AKR1C4: variants seen among roughly 807,000 people sequenced by gnomAD.
The protein encoded by AKR1C4 is 3-alpha-HSD1.
In AKR1C4, 44 loss-of-function variants were observed where a neutral mutation model predicts 41.0. The ratio of observed to expected loss-of-function variants is 1.07; its 90% confidence interval spans 0.84 to 1.38. AKR1C4 has a LOEUF of 1.38. AKR1C4 is among the 40% of genes most tolerant of loss of function. The pLI is 0.00. For synonymous variants in AKR1C4, 165 were observed against 137.7 expected (o/e 1.20, Z -1.39); for missense variants, 438 against 387.9 (o/e 1.13, Z -1.09).
At chr10:5,213,731 T>A (rs1158623219) in intron 7 of AKR1C4, among the ~76,000 whole-genome samples, 1 of 152,186 alleles carries the variant, frequency 6.6e-6, no homozygotes, top group Non-Finnish European at 1.5e-5. Flanking sequence ...AAGCTCCACC[T>A]GAACTCAGTC....
chr10:5,216,556 A>C (rs1303749559), intron 7 of AKR1C4, among the ~76,000 whole-genome samples, 155 bp from the exon 8 acceptor site: 1 of 151,928 alleles, frequency 6.6e-6, no homozygotes, highest in African/African-American at 2.4e-5. Context: ...GATATTCTTT[A>C]ATCACTTGAG....
In AKR1C4 at chr10:5,202,002, A is replaced by G. The variant is rs1832406674; in HGVS notation, c.252+1654A>G. Among the ~76,000 whole-genome samples, 3 of 152,176 alleles carry G rather than the reference A, an allele frequency of 2.0e-5. No individual in the cohort carries two copies. The South Asian group carries it at 6.2e-4, about 32-fold the overall frequency. On this transcript the variant is annotated intron_variant, in intron 2 of 8. Coordinates refer to ENST00000263126, the MANE Select transcript of AKR1C4 (RefSeq NM_001818.5). ...CCAGTACCATGCTGTTTGTATAACT[A>G]TAGTCATGTAGTATAATTTGAAGTC... is the stretch of plus-strand genomic sequence containing the variant.
intron 5 of AKR1C4, among the ~76,000 whole-genome samples, chr10:5,209,435 G>A (rs757632570): frequency 6.6e-6 from 1 of 151,724 alleles, no homozygotes; most frequent in Non-Finnish European, 1.5e-5. Flanking sequence ...GTCAAGAAAA[G>A]AAACAATTAC....
chr10:5,207,338 G>T (rs1832505342), intron 5 of AKR1C4: 1 of 298,840 alleles, frequency 3.3e-6, no homozygotes, highest in Non-Finnish European at 6.7e-6. Context: ...ACACTGAAAA[G>T]ATTAAGGTAA....
chr10:5,203,851 T>G (rs1248936359), intron 2 of AKR1C4, among the ~76,000 whole-genome samples: 1 of 152,234 alleles, frequency 6.6e-6, no homozygotes, highest in Admixed American at 6.5e-5. Flanking sequence ...GTTTTTCTTA[T>G]GTCTGGGATG....
rs782222141 is a variant in AKR1C4, at chr10:5,206,274, G to A, written c.448-1G>A. Reference sequence around the variant, plus strand: ...ATTCCTCACAACCCCTTTCTCCCCAGGTCATGGAGAAGTGTAAGGATGCAG... The same window carrying A: ...ATTCCTCACAACCCCTTTCTCCCCAAGTCATGGAGAAGTGTAAGGATGCAG... On this transcript the variant is annotated splice_acceptor_variant, in intron 4 of 8. Coordinates refer to ENST00000263126, the MANE Select transcript of AKR1C4 (RefSeq NM_001818.5). LOFTEE classifies it high-confidence loss of function. 1.2e-6 allele frequency: 2 copies of A among 1,614,020 alleles called. No homozygotes were observed. Among genetic ancestry groups the A allele is most frequent in the South Asian group, 1.1e-5 (1 of 91,078 alleles).
intron 4 of AKR1C4, among the ~76,000 whole-genome samples, chr10:5,206,069 T>A (rs1832479820): frequency 6.6e-6 from 1 of 152,188 alleles, no homozygotes; most frequent in Non-Finnish European, 1.5e-5. Flanking sequence ...CCATGGACAT[T>A]TATCTCTCCA....
At chr10:5,209,839 G>A (rs1468064357) in intron 5 of AKR1C4, among the ~76,000 whole-genome samples, 3 of 151,276 alleles carry the variant, frequency 2.0e-5, no homozygotes, top group African/African-American at 7.4e-5. Context: ...ACATTTGGGT[G>A]GGGACACATA....
At chr10:5,200,894 A>T (rs138316922) in intron 2 of AKR1C4, among the ~76,000 whole-genome samples, 5 of 152,306 alleles carry the variant, frequency 3.3e-5, no homozygotes, top group African/African-American at 1.2e-4. Context: ...TTTACTTAGA[A>T]TAATGGCCTC....
Position 5,199,085 on chromosome 10 carries a change from G to C in AKR1C4, c.85-1096G>C, listed in dbSNP as rs569783315. Among the ~76,000 whole-genome samples the C allele has an allele frequency of 8.5e-4, 130 of 152,260 alleles. 1 individual carries two copies. The South Asian group carries it at 0.027, about 31-fold the overall frequency. On this transcript the variant is annotated intron_variant, in intron 1 of 8. Transcript: ENST00000263126. ...TTTCTAACAAATGACTGAATCTGAG[G>C]TTGTTGTTGGGAAACTCCATGCTAG... is the stretch of plus-strand genomic sequence containing the variant.
intron 8 of AKR1C4, among the ~76,000 whole-genome samples, chr10:5,218,001 A>G (rs782672859): frequency 6.6e-6 from 1 of 152,178 alleles, no homozygotes; most frequent in African/African-American, 2.4e-5. Flanking sequence ...GAACTCAAAC[A>G]TTTTTAGATA....
intron 1 of AKR1C4, among the ~76,000 whole-genome samples, chr10:5,198,632 C>T (rs1337558816): frequency 1.3e-5 from 2 of 152,078 alleles, no homozygotes; most frequent in Non-Finnish European, 2.9e-5. Context: ...CACTGAGAGA[C>T]GAATCATAGG....
chr10:5,208,302 CAT>C (rs1381584344), intron 5 of AKR1C4, among the ~76,000 whole-genome samples: 1 of 151,500 alleles, frequency 6.6e-6, no homozygotes, highest in Non-Finnish European at 1.5e-5. Flanking sequence ...ACAGTTGAAA[CAT>C]GTATTTAAAA....
At chr10:5,212,924 T>C in intron 6 of AKR1C4, 70 bp from the exon 7 acceptor site, 1 of 1,563,842 alleles carries the variant, frequency 6.4e-7, no homozygotes, top group Non-Finnish European at 8.7e-7. Flanking sequence ...AACACCTTAG[T>C]CTGTTTAGGG....
rs782244553 is a variant in AKR1C4, at chr10:5,204,336, C to T, written c.253-41C>T. 4.9e-6 allele frequency: 7 copies of T among 1,425,716 alleles called. No individual in the cohort carries two copies. The East Asian group carries it at 1.1e-4, about 23-fold the overall frequency. The allele number at this position is 1,425,716 out of a possible 1,614,324, so 88.3% of individuals were successfully genotyped here. On this transcript the variant is annotated intron_variant, in intron 2 of 8. Transcript: ENST00000263126. ...GTGAAGCAAACTAATAAAACTAGCT[C>T]ATGTTTTTATTCAACATAAATCCTT... is the stretch of plus-strand genomic sequence containing the variant.
rs200255773 is a variant in AKR1C4, at chr10:5,202,493, AT to A, written c.253-1876del. 202 of 451,310 alleles carry A rather than the reference AT, an allele frequency of 4.5e-4. 1 individual carries two copies. The highest frequency in any genetic ancestry group is 2.8e-3 in the African/African-American group (139 of 49,876). 28.0% of individuals were successfully genotyped at this position (451,310 alleles called of 1,614,324 possible). On this transcript the variant is annotated intron_variant, in intron 2 of 8. Coordinates refer to ENST00000263126, the MANE Select transcript of AKR1C4 (RefSeq NM_001818.5). ...TCCTTTTCCAATTTGGATTCCCTTT[AT>A]TTTTTTTACCTTGCCTGATTACTCT... is the stretch of plus-strand genomic sequence containing the variant.
chr10:5,202,422 G>C, intron 2 of AKR1C4: 1 of 450,938 alleles, frequency 2.2e-6, no homozygotes, highest in African/African-American at 2.0e-5. Context: ...TTGGGGTTTT[G>C]TAGGTATATG....
chr10:5,209,744 C>CA (rs1423541980), intron 5 of AKR1C4, among the ~76,000 whole-genome samples: 26 of 152,296 alleles, frequency 1.7e-4, no homozygotes, highest in African/African-American at 6.0e-4. Context: ...TCAAGGACAT[C>CA]ATGGGAAATA....
chr10:5,213,077 T>C lies in AKR1C4; in HGVS notation c.764T>C (p.Ile255Thr), dbSNP rs781931468. The C allele has an allele frequency of 7.4e-6, 12 of 1,614,040 alleles. No homozygotes were observed. In the East Asian group the frequency reaches 1.8e-4, roughly 24 times the overall value. The change falls in exon 7 of 9, where the codon ATT becomes ACT. Residue 255 changes from isoleucine (I) to threonine (T), a missense_variant. Physicochemically the swap from Ile to Thr is moderately conservative, Grantham distance 89 (BLOSUM62 -1). Coordinates refer to ENST00000263126, the MANE Select transcript of AKR1C4 (RefSeq NM_001818.5). ...AAACACAAACAAACCCCAGCCCTGA[T>C]TGCCCTGCGCTACCAGCTGCAGCGT... Reference protein sequence around the residue: ...AKKHKQTPALIALRYQLQRGV... With the variant: ...AKKHKQTPALTALRYQLQRGV...
Sources: allele counts gnomAD v4.1 joint callset (sites outside exome capture counted in the v4.1 genomes callset), GRCh38; gene constraint gnomAD v4.1.1; transcripts MANE v1.5; gene names NCBI Gene and HGNC (gene_info 2026-07-23, HGNC 2026-07-21).